The following TAF3 variants were observed in gnomAD, a reference collection of about 807,000 sequenced individuals.
TAF3 encodes the protein transcription initiation factor TFIID subunit 3.
Under a neutral mutation model 80.6 loss-of-function variants are expected in TAF3, and 7 were observed. The ratio of observed to expected loss-of-function variants is 0.09; its 90% CI spans 0.05 to 0.16. The LOEUF (loss-of-function observed/expected upper bound fraction) is 0.16, where lower values mean the gene tolerates loss of function less well. Ranked by LOEUF, TAF3 falls within the 10% of genes least tolerant of loss-of-function variation. The pLI, the probability that TAF3 is intolerant of heterozygous loss-of-function variation, is 1.00. For synonymous variants in TAF3, 444 were observed against 446.1 expected, an observed-to-expected ratio of 1.00 and a Z score of 0.06; for missense variants, 921 against 1,140.2, an observed-to-expected ratio of 0.81 and a Z score of 2.77.
intron 2 of TAF3, among the ~76,000 whole-genome samples, chr10:7,845,954 T>TG (rs1836965609): frequency 7.6e-6 from 1 of 132,044 alleles, no homozygotes; most frequent in African/African-American, 2.8e-5. Flanking sequence ...GGTTTGTGTG[T>TG]TTTTGTTTTT....
intron 2 of TAF3, among the ~76,000 whole-genome samples, chr10:7,849,950 G>A (rs955760637): frequency 1.3e-5 from 2 of 152,082 alleles, no homozygotes; most frequent in Non-Finnish European, 2.9e-5. Flanking sequence ...CAAGGTACTG[G>A]GATTACAGGC....
chr10:7,966,085 G>A (rs1831568719), intron 3 of TAF3, among the ~76,000 whole-genome samples: 1 of 152,102 alleles, frequency 6.6e-6, no homozygotes, highest in Non-Finnish European at 1.5e-5. Context: ...CAAGTGTACT[G>A]CATTATATTT....
intron 5 of TAF3, 119 bp from the exon 6 acceptor site, chr10:8,013,612 T>C: frequency 1.5e-6 from 1 of 667,190 alleles, no homozygotes; most frequent in Non-Finnish European, 2.6e-6. Flanking sequence ...TACTATATTT[T>C]TTAGTTTAAT....
intron 4 of TAF3, among the ~76,000 whole-genome samples, chr10:8,000,632 A>G (rs536272487): frequency 3.8e-4 from 58 of 152,042 alleles, no homozygotes; most frequent in Non-Finnish European, 7.2e-4. Context: ...ACAAAAAATT[A>G]GCCAGGCATG....
chr10:7,848,579 T>A (rs1836996082), intron 2 of TAF3, among the ~76,000 whole-genome samples: 1 of 152,162 alleles, frequency 6.6e-6, no homozygotes. Flanking sequence ...CTGCTAGATA[T>A]CCTGTTGCAA....
intron 2 of TAF3, among the ~76,000 whole-genome samples, chr10:7,911,775 A>C (rs1837658880): frequency 1.3e-5 from 2 of 152,212 alleles, no homozygotes; most frequent in Non-Finnish European, 2.9e-5. Flanking sequence ...TTTCTTTAGA[A>C]ATTTGAAGAT....
In TAF3 at chr10:7,886,114, T is replaced by TG. The variant is rs888361822; in HGVS notation, c.409+61561dup. 1.8e-4 allele frequency among the ~76,000 whole-genome samples: 28 copies of TG among 151,974 alleles called. No homozygotes were observed. The South Asian group carries it at 2.7e-3, about 15-fold the overall frequency. On this transcript the variant is annotated intron_variant, in intron 2 of 6. Coordinates refer to ENST00000344293, the MANE Select transcript of TAF3 (RefSeq NM_031923.4). ...TGGCTAATTGTTTTTTGTAGAGATG[T>TG]GGGGGGGTCTCACTATGTTGCCTGG...
At chr10:7,925,813 GA>G (rs796312907) in intron 2 of TAF3, among the ~76,000 whole-genome samples, 5 of 132,522 alleles carry the variant, frequency 3.8e-5, no homozygotes, top group Admixed American at 8.4e-5. Context: ...AAAAAAAAAA[GA>G]AAAGAAAAGA....
At chr10:7,963,234 A>C (rs924831186) in intron 2 of TAF3, among the ~76,000 whole-genome samples, 1 of 152,242 alleles carries the variant, frequency 6.6e-6, no homozygotes, top group Non-Finnish European at 1.5e-5. Context: ...ACTAAGTCCT[A>C]TAATAATCCA....
intron 2 of TAF3, among the ~76,000 whole-genome samples, chr10:7,870,885 CAG>C (rs1387902476): frequency 2.0e-5 from 3 of 151,958 alleles, no homozygotes; most frequent in Non-Finnish European, 4.4e-5. Context: ...TCTTGAAGCT[CAG>C]AGTTTCTTGT....
chr10:7,843,883 T>C (rs7921606), intron 2 of TAF3, among the ~76,000 whole-genome samples: 26,745 of 152,030 alleles, frequency 0.18, 2,786 homozygotes, highest in East Asian at 0.52. Flanking sequence ...CTTTGTGGAC[T>C]TCAAATTTTG....
chr10:7,970,878 TTAAAG>T (rs1249063308), intron 3 of TAF3, among the ~76,000 whole-genome samples: 1 of 152,192 alleles, frequency 6.6e-6, no homozygotes, highest in Non-Finnish European at 1.5e-5. Context: ...CCTCTTTTGT[TTAAAG>T]TAATGTAGTC....
intron 2 of TAF3, among the ~76,000 whole-genome samples, chr10:7,870,052 A>C (rs1837250395): frequency 6.6e-6 from 1 of 152,188 alleles, no homozygotes; most frequent in African/African-American, 2.4e-5. Context: ...AATTAGGAGA[A>C]ATGAAAACGG....
intron 2 of TAF3, among the ~76,000 whole-genome samples, chr10:7,835,658 T>C (rs2131108934): frequency 6.6e-6 from 1 of 152,258 alleles, no homozygotes; most frequent in Non-Finnish European, 1.5e-5. Flanking sequence ...GTACTGGAAG[T>C]GGTCCCATCC....
chr10:7,868,291 G>T (rs1837234422), intron 2 of TAF3, among the ~76,000 whole-genome samples: 1 of 152,208 alleles, frequency 6.6e-6, no homozygotes, highest in Non-Finnish European at 1.5e-5. Flanking sequence ...CAGGAGTGGA[G>T]GCAGTGTGAC....
At chr10:7,898,498 A>G (rs1206196013) in intron 2 of TAF3, among the ~76,000 whole-genome samples, 1 of 149,492 alleles carries the variant, frequency 6.7e-6, no homozygotes, top group Non-Finnish European at 1.5e-5. Flanking sequence ...GTGAGCCTAG[A>G]TCACGCCACT....
At chr10:7,846,633 A>G (rs945092720) in intron 2 of TAF3, among the ~76,000 whole-genome samples, 2 of 152,228 alleles carry the variant, frequency 1.3e-5, no homozygotes, top group African/African-American at 4.8e-5. Flanking sequence ...GAGAAAAATG[A>G]TCATTTAAAA....
chr10:7,823,610 T>A (rs1836710474), intron 1 of TAF3, among the ~76,000 whole-genome samples: 2 of 150,178 alleles, frequency 1.3e-5, no homozygotes, highest in African/African-American at 4.9e-5. Context: ...CACTTCAGCC[T>A]GGGCAACAAG....
intron 2 of TAF3, among the ~76,000 whole-genome samples, chr10:7,912,020 CATA>C (rs1424575884): frequency 6.6e-6 from 1 of 152,178 alleles, no homozygotes; most frequent in Non-Finnish European, 1.5e-5. Flanking sequence ...ATTCTGAAAT[CATA>C]ATGATTATTC....
Sources: allele counts gnomAD v4.1 joint callset (sites outside exome capture counted in the v4.1 genomes callset), GRCh38; gene constraint gnomAD v4.1.1; transcripts MANE v1.5; gene names NCBI Gene and HGNC (gene_info 2026-07-23, HGNC 2026-07-21).